Variants in RBFOX1 observed in about 807,000 individuals in gnomAD.
RBFOX1 encodes the protein RNA binding fox-1 homolog 1, also known as RNA binding protein fox-1 homolog 1.
Under a neutral mutation model 57.7 loss-of-function variants are expected in RBFOX1, and 8 were observed. That is an observed-to-expected ratio of 0.14 (90% CI 0.08 to 0.25). The LOEUF (loss-of-function observed/expected upper bound fraction) is 0.25. Among genes scored for constraint, RBFOX1 ranks in the 10% least tolerant of loss-of-function variants. The pLI is 1.00. For synonymous variants in RBFOX1, 326 were observed against 222.4 expected, an observed-to-expected ratio of 1.47 and a Z score of -4.15; for missense variants, 611 against 548.5, an observed-to-expected ratio of 1.11 and a Z score of -1.14.
At chr16:6,299,820 T>C (rs1299328994) in intron 1 of RBFOX1, among the ~76,000 whole-genome samples, 1 of 152,128 alleles carries the variant, frequency 6.6e-6, no homozygotes, top group Non-Finnish European at 1.5e-5. Context: ...GGGGTTCAGT[T>C]TCCTCAATGG....
At chr16:6,054,025 C>T (rs1023822744) in intron 1 of RBFOX1, among the ~76,000 whole-genome samples, 10 of 151,764 alleles carry the variant, frequency 6.6e-5, no homozygotes, top group African/African-American at 1.9e-4. Flanking sequence ...CTCCAGCCTG[C>T]GCAACAGAAT....
At chr16:7,501,820 C>T (rs935010097) in intron 4 of RBFOX1, among the ~76,000 whole-genome samples, 2 of 152,152 alleles carry the variant, frequency 1.3e-5, no homozygotes, top group African/African-American at 2.4e-5. Context: ...TCTCTGGGCA[C>T]ATACCCTATT....
At chr16:6,390,505 C>T (rs900262238) in intron 2 of RBFOX1, among the ~76,000 whole-genome samples, 8 of 150,910 alleles carry the variant, frequency 5.3e-5, no homozygotes, top group Non-Finnish European at 1.0e-4. Context: ...GAACAAAAAA[C>T]AGAGAAGGTG....
intron 4 of RBFOX1, among the ~76,000 whole-genome samples, chr16:5,979,310 T>C (rs542198042): frequency 1.3e-5 from 2 of 152,338 alleles, no homozygotes; most frequent in Admixed American, 6.5e-5. Context: ...TGTATGTTTC[T>C]GGGAATGAAT....
chr16:5,588,840 CAT>C (rs1210651114), intron 2 of RBFOX1, among the ~76,000 whole-genome samples: 1 of 152,174 alleles, frequency 6.6e-6, no homozygotes, highest in African/African-American at 2.4e-5. Flanking sequence ...CAGATGCCCA[CAT>C]GAGACAGGAT....
chr16:5,909,135 T>C (rs917960567), intron 4 of RBFOX1, among the ~76,000 whole-genome samples: 12 of 131,402 alleles, frequency 9.1e-5, no homozygotes, highest in South Asian at 2.8e-4. Context: ...CTGTGTCACC[T>C]AGGCTGGAGT....
chr16:6,622,727 A>G (rs528493312), intron 2 of RBFOX1, among the ~76,000 whole-genome samples: 1 of 152,350 alleles, frequency 6.6e-6, no homozygotes, highest in Admixed American at 6.5e-5. Flanking sequence ...TCTATTTTTA[A>G]AAGTGTGCTT....
intron 4 of RBFOX1, among the ~76,000 whole-genome samples, chr16:7,120,508 C>G (rs906630635): frequency 6.6e-6 from 1 of 151,766 alleles, no homozygotes; most frequent in African/African-American, 2.4e-5. Flanking sequence ...ATCAAATAAT[C>G]TATGCACATG....
chr16:7,169,229 G>C (rs142686280), intron 4 of RBFOX1, among the ~76,000 whole-genome samples: 11 of 152,268 alleles, frequency 7.2e-5, no homozygotes, highest in African/African-American at 2.4e-4. Context: ...TAATGGTGAC[G>C]ATGAAAATCA....
chr16:6,713,002 A>C (rs1294537288), intron 3 of RBFOX1, among the ~76,000 whole-genome samples: 2 of 147,866 alleles, frequency 1.4e-5, no homozygotes, highest in South Asian at 4.4e-4. Context: ...GCCTGCCGCC[A>C]TGTAAGACCT....
At chr16:7,261,900 G>C (rs547921670) in intron 4 of RBFOX1, among the ~76,000 whole-genome samples, 107 of 152,296 alleles carry the variant, frequency 7.0e-4, no homozygotes, top group African/African-American at 2.5e-3. Flanking sequence ...AGTGTGAAAA[G>C]CCCTCCAAGT....
At chr16:6,557,054 T>TAC (rs560291546) in intron 2 of RBFOX1, among the ~76,000 whole-genome samples, 4 of 140,562 alleles carry the variant, frequency 2.8e-5, no homozygotes, top group Admixed American at 2.2e-4. Context: ...TACATATATA[T>TAC]ACATATATAC....
intron 3 of RBFOX1, among the ~76,000 whole-genome samples, chr16:6,658,296 G>A (rs1024124573): frequency 3.3e-5 from 5 of 150,672 alleles, no homozygotes; most frequent in African/African-American, 1.2e-4. Context: ...TTGCAGTGGT[G>A]TGATCGTGAT....
intron 3 of RBFOX1, among the ~76,000 whole-genome samples, chr16:5,662,978 G>T (rs1253248883): frequency 1.3e-5 from 2 of 152,156 alleles, no homozygotes; most frequent in African/African-American, 4.8e-5. Flanking sequence ...ATCTGTAGTG[G>T]GGTTTCCAGT....
At chr16:5,875,862 G>C (rs1271858084) in intron 4 of RBFOX1, among the ~76,000 whole-genome samples, 1 of 110,354 alleles carries the variant, frequency 9.1e-6, no homozygotes, top group African/African-American at 3.2e-5. Flanking sequence ...TTTTTTTTTT[G>C]AGAGGGAGTC....
intron 4 of RBFOX1, among the ~76,000 whole-genome samples, chr16:7,292,673 A>G (rs2095815574): frequency 6.6e-6 from 1 of 151,830 alleles, no homozygotes; most frequent in Admixed American, 6.6e-5. Context: ...GCATGTAAGA[A>G]CGCTACAATA....
intron 3 of RBFOX1, chr16:5,610,675 C>G (rs955382589): frequency 6.8e-6 from 1 of 146,654 alleles, no homozygotes; most frequent in Non-Finnish European, 1.5e-5. Context: ...TACTTTGTCT[C>G]TATAAAATCA....
At chr16:7,297,305 G>T (rs2095915683) in intron 4 of RBFOX1, among the ~76,000 whole-genome samples, 1 of 152,192 alleles carries the variant, frequency 6.6e-6, no homozygotes, top group African/African-American at 2.4e-5. Flanking sequence ...AGACATAACT[G>T]GGTTTGGAAA....
At chr16:6,578,900 T>C (rs894024708) in intron 2 of RBFOX1, among the ~76,000 whole-genome samples, 4 of 150,608 alleles carry the variant, frequency 2.7e-5, no homozygotes, top group African/African-American at 9.8e-5. Flanking sequence ...AGGGTGGGAG[T>C]GGGGTGAGGG....
Sources: allele counts gnomAD v4.1 joint callset (sites outside exome capture counted in the v4.1 genomes callset), GRCh38; gene constraint gnomAD v4.1.1; transcripts MANE v1.5; gene names NCBI Gene and HGNC (gene_info 2026-07-23, HGNC 2026-07-21).